Variants in HNRNPR observed in about 807,000 individuals in gnomAD.
The protein encoded by HNRNPR is heterogeneous nuclear ribonucleoprotein R.
Under a neutral mutation model 70.3 loss-of-function variants are expected in HNRNPR, and 4 were observed. The ratio of observed to expected loss-of-function variants is 0.06; its 90% CI spans 0.03 to 0.13. The LOEUF is 0.13. HNRNPR is among the 10% of genes least tolerant of loss of function. The pLI is 1.00. For missense variants in HNRNPR, 423 were observed against 788.5 expected (o/e 0.54, Z 5.55); for synonymous variants, 241 against 267.6 (o/e 0.90, Z 0.97).
chr1:23,319,736 A>G (rs1014488797), intron 7 of HNRNPR, among the ~76,000 whole-genome samples: 1 of 152,182 alleles, frequency 6.6e-6, no homozygotes, highest in Non-Finnish European at 1.5e-5. Context: ...AGCCCTGCCT[A>G]CTTCATTTCA....
chr1:23,306,736 TG>T lies in HNRNPR; in HGVS notation c.*3717del, dbSNP rs1165261992. The T allele has an allele frequency of 6.6e-6, 1 of 152,228 alleles. No homozygotes were observed. The highest frequency in any genetic ancestry group is 1.5e-5 in the Non-Finnish European group (1 of 68,046). The allele number at this position is 152,228 out of a possible 1,614,324, so 9.4% of individuals were successfully genotyped here. A position where few individuals can be genotyped will look rare whatever the true frequency, so the allele number is the denominator to read the frequency against. ...AACTTCAAATTAAATATTATTAAAT[TG>T]CTGACCAATACATTGTATATGCAAT... On this transcript the variant is annotated 3_prime_UTR_variant, in exon 11 of 11. Transcript: ENST00000302271.
intron 4 of HNRNPR, among the ~76,000 whole-genome samples, chr1:23,336,096 G>T (rs1268969617): frequency 2.2e-5 from 2 of 89,554 alleles, no homozygotes; most frequent in African/African-American, 8.6e-5. Context: ...CAGCCTGGGC[G>T]ACAGAGCGAG....
At chr1:23,334,235 T>A (rs1422810520) in intron 4 of HNRNPR, among the ~76,000 whole-genome samples, 1 of 21,926 alleles carries the variant, frequency 4.6e-5, no homozygotes, top group African/African-American at 8.7e-5. Flanking sequence ...TCTAGTGTAC[T>A]TTTTTTTTTT....
At chr1:23,342,674 C>CAT (rs1646747173) in intron 1 of HNRNPR, among the ~76,000 whole-genome samples, 1 of 152,216 alleles carries the variant, frequency 6.6e-6, no homozygotes, top group Non-Finnish European at 1.5e-5. Context: ...CCCATCCCCA[C>CAT]ATACTACCTT....
chr1:23,326,379 T>A (rs538873953), intron 5 of HNRNPR, among the ~76,000 whole-genome samples: 1 of 152,174 alleles, frequency 6.6e-6, no homozygotes, highest in Non-Finnish European at 1.5e-5. Context: ...AAAAACATAC[T>A]GAGAAAAGCA....
intron 5 of HNRNPR, among the ~76,000 whole-genome samples, chr1:23,328,403 T>C (rs2148419130): frequency 6.6e-6 from 1 of 152,356 alleles, no homozygotes; most frequent in East Asian, 1.9e-4. Context: ...GTGATAGCTA[T>C]GAAGGTGGTA....
intron 7 of HNRNPR, among the ~76,000 whole-genome samples, chr1:23,321,178 T>G (rs867644723): frequency 2.7e-5 from 1 of 36,616 alleles, no homozygotes; most frequent in Admixed American, 2.5e-4. Flanking sequence ...AAAAAAAAAA[T>G]CTGATCTAGA....
At chr1:23,313,796 T>A in intron 8 of HNRNPR, 94 bp from the exon 9 acceptor site, 1 of 1,345,758 alleles carries the variant, frequency 7.4e-7, no homozygotes, top group Non-Finnish European at 1.0e-6. Flanking sequence ...TTTTCTCCTC[T>A]AAAACATTAA....
At chr1:23,323,017 A>T (rs2148384689) in intron 6 of HNRNPR, among the ~76,000 whole-genome samples, 1 of 152,362 alleles carries the variant, frequency 6.6e-6, no homozygotes, top group East Asian at 1.9e-4. Flanking sequence ...GAGAAAGATT[A>T]AAGACAGAGA....
intron 9 of HNRNPR, 141 bp downstream of exon 9, chr1:23,313,412 T>A (rs945246050): frequency 1.6e-6 from 1 of 611,998 alleles, no homozygotes; most frequent in Non-Finnish European, 2.8e-6. Flanking sequence ...TACATACTAT[T>A]ACCACTTTAC....
At chr1:23,333,113 C>A (rs1646310217) in intron 5 of HNRNPR, among the ~76,000 whole-genome samples, 1 of 152,072 alleles carries the variant, frequency 6.6e-6, no homozygotes, top group Admixed American at 6.6e-5. Flanking sequence ...ACCCAGGAGG[C>A]CGAGGTTGCA....
At chr1:23,330,197 C>A (rs997279530) in intron 5 of HNRNPR, among the ~76,000 whole-genome samples, 5 of 152,106 alleles carry the variant, frequency 3.3e-5, no homozygotes, top group Non-Finnish European at 7.3e-5. Flanking sequence ...TTATTATACA[C>A]AGTCATGACC....
In HNRNPR at chr1:23,308,232, T is replaced by C. The variant is rs1386602033; in HGVS notation, c.*2222A>G. The stretch of plus-strand genomic sequence containing the variant: ...GCCACTTTAAAATTCAAAATATAAT[T>C]TGCAATTAAAGGAAAGGATTTTGAC... On this transcript the variant is annotated 3_prime_UTR_variant, in exon 11 of 11. Transcript: ENST00000302271. The C allele has an allele frequency of 2.0e-5, 3 of 152,188 alleles. No individual in the cohort carries two copies. The highest frequency in any genetic ancestry group is 1.3e-4 in the Admixed American group (2 of 15,300). 9.4% of individuals were successfully genotyped at this position (152,188 alleles called of 1,614,324 possible).
In HNRNPR at chr1:23,318,737, T is replaced by C; in HGVS notation, c.812-49A>G. Reference sequence around the variant, plus strand: ...ATAAGCCAAAAGCATCCACCACACATCTAGCGATTAGGCAGACCTAAATCC... The same window carrying C: ...ATAAGCCAAAAGCATCCACCACACACCTAGCGATTAGGCAGACCTAAATCC... On this transcript the variant is annotated intron_variant, in intron 7 of 10. Coordinates refer to ENST00000302271, the MANE Select transcript of HNRNPR (RefSeq NM_005826.5). The surrounding 1 kb of genome is among the most constrained non-coding windows in gnomAD (Gnocchi z 4.2). 1 of 1,581,268 alleles carries C rather than the reference T, an allele frequency of 6.3e-7. No individual in the cohort carries two copies.
At chr1:23,327,379 G>A (rs1467027396) in intron 5 of HNRNPR, among the ~76,000 whole-genome samples, 1 of 152,160 alleles carries the variant, frequency 6.6e-6, no homozygotes, top group Non-Finnish European at 1.5e-5. Context: ...ATTCTACTGA[G>A]AGAGACAGAC....
intron 5 of HNRNPR, among the ~76,000 whole-genome samples, chr1:23,329,709 G>GT (rs897592455): frequency 3.7e-4 from 57 of 152,328 alleles, no homozygotes; most frequent in African/African-American, 1.4e-3. Context: ...ACAGCTCACT[G>GT]TAGTGACCTC....
At chr1:23,325,469 T>G (rs1314489297) in intron 5 of HNRNPR, among the ~76,000 whole-genome samples, 5 of 152,182 alleles carry the variant, frequency 3.3e-5, no homozygotes, top group Non-Finnish European at 7.3e-5. Context: ...CTTGGCATGA[T>G]TCTCACACAA....
intron 5 of HNRNPR, among the ~76,000 whole-genome samples, chr1:23,328,361 G>T (rs1255938319): frequency 6.6e-6 from 1 of 152,204 alleles, no homozygotes; most frequent in Admixed American, 6.5e-5. Flanking sequence ...GGCAATCTGG[G>T]AAAGAGATGA....
At chr1:23,316,789 A>G (rs1336131812) in intron 8 of HNRNPR, among the ~76,000 whole-genome samples, 1 of 152,202 alleles carries the variant, frequency 6.6e-6, no homozygotes, top group Non-Finnish European at 1.5e-5. Flanking sequence ...AAATCAAGCT[A>G]GTAAAAAATC....
Sources: allele counts gnomAD v4.1 joint callset (sites outside exome capture counted in the v4.1 genomes callset), GRCh38; gene constraint gnomAD v4.1.1; non-coding constraint Gnocchi (gnomAD v3.1); transcripts MANE v1.5; gene names NCBI Gene and HGNC (gene_info 2026-07-23, HGNC 2026-07-21).